The following STPG2 variants were observed in gnomAD, a reference collection of about 807,000 sequenced individuals.
STPG2 encodes the protein sperm-tail PG-rich repeat-containing protein 2.
In STPG2, 56 loss-of-function variants were observed where a neutral mutation model predicts 54.2. That is an observed-to-expected ratio of 1.03 (90% CI 0.83 to 1.29). The LOEUF (loss-of-function observed/expected upper bound fraction) is 1.29. Ranked by LOEUF, STPG2 falls within the 50% of genes most tolerant of loss-of-function variation. The pLI is 0.00. For missense variants in STPG2, 596 were observed against 544.9 expected (o/e 1.09, Z -0.93); for synonymous variants, 200 against 181.8 (o/e 1.10, Z -0.81).
At chr4:97,807,816 G>A (rs903423717) in intron 9 of STPG2, among the ~76,000 whole-genome samples, 1 of 151,694 alleles carries the variant, frequency 6.6e-6, no homozygotes, top group Admixed American at 6.6e-5. Context: ...GCAGGATAAG[G>A]ATACAAAAAA....
intron 4 of STPG2, among the ~76,000 whole-genome samples, chr4:97,509,989 C>G (rs1730938665): frequency 6.6e-6 from 1 of 152,024 alleles, no homozygotes; most frequent in Non-Finnish European, 1.5e-5. Flanking sequence ...AAATTGTCTT[C>G]CACGAAACTG....
chr4:97,703,743 C>T (rs1356494276), intron 10 of STPG2, among the ~76,000 whole-genome samples: 8 of 98,184 alleles, frequency 8.1e-5, no homozygotes, highest in African/African-American at 1.5e-4. Context: ...AATATATTAT[C>T]GTATATATAT....
At chr4:97,924,545 C>T (rs1220442974) in intron 8 of STPG2, among the ~76,000 whole-genome samples, 1 of 152,128 alleles carries the variant, frequency 6.6e-6, no homozygotes, top group Non-Finnish European at 1.5e-5. Context: ...GTAAATCCAG[C>T]ATTAAAGATG....
At chr4:98,083,115 A>G (rs1223922454) in intron 5 of STPG2, among the ~76,000 whole-genome samples, 1 of 151,996 alleles carries the variant, frequency 6.6e-6, no homozygotes, top group Non-Finnish European at 1.5e-5. Flanking sequence ...ATCCTGTACC[A>G]TTCTTCTCCT....
At chr4:97,618,737 C>A (rs897323231) in intron 10 of STPG2, among the ~76,000 whole-genome samples, 3 of 152,104 alleles carry the variant, frequency 2.0e-5, no homozygotes, top group Non-Finnish European at 4.4e-5. Flanking sequence ...TTGCTAGGTT[C>A]AATTTGAGGA....
intron 9 of STPG2, among the ~76,000 whole-genome samples, chr4:97,816,975 A>G (rs1403412383): frequency 2.0e-5 from 3 of 147,538 alleles, no homozygotes; most frequent in Non-Finnish European, 4.5e-5. Flanking sequence ...TATATTTTAT[A>G]TATTATATAT....
At chr4:97,993,697 T>C (rs959239993) in intron 5 of STPG2, among the ~76,000 whole-genome samples, 1 of 152,186 alleles carries the variant, frequency 6.6e-6, no homozygotes, top group African/African-American at 2.4e-5. Context: ...AGAACTCAGC[T>C]GTGAATCCAT....
At chr4:97,773,228 A>G (rs1451087433) in intron 9 of STPG2, among the ~76,000 whole-genome samples, 1 of 152,084 alleles carries the variant, frequency 6.6e-6, no homozygotes, top group Non-Finnish European at 1.5e-5. Context: ...AATTGACTGT[A>G]CCTTTAATCA....
intron 8 of STPG2, among the ~76,000 whole-genome samples, chr4:97,922,493 C>A (rs910478231): frequency 2.0e-5 from 3 of 151,924 alleles, no homozygotes; most frequent in Admixed American, 6.6e-5. Flanking sequence ...CTTTGTTGTA[C>A]AAAAAATGGT....
chr4:97,601,159 T>A (rs1416893147), intron 10 of STPG2, among the ~76,000 whole-genome samples: 1 of 152,070 alleles, frequency 6.6e-6, no homozygotes, highest in East Asian at 1.9e-4. Context: ...CGTATTTATT[T>A]GTGCTTTTGT....
chr4:97,860,467 GTTTTATTTTA>G (rs56308311), intron 8 of STPG2, among the ~76,000 whole-genome samples: 11,122 of 138,666 alleles, frequency 0.08, 1,133 homozygotes, highest in African/African-American at 0.24. Context: ...ATATTCCTAA[GTTTTATTTTA>G]TTTTATTTTA....
intron 5 of STPG2, among the ~76,000 whole-genome samples, chr4:98,099,900 T>C (rs1049847892): frequency 5.3e-5 from 8 of 152,152 alleles, no homozygotes; most frequent in African/African-American, 1.4e-4. Context: ...AAGAGTATAA[T>C]TGGATTGTTT....
chr4:97,828,714 G>C (rs1401647341), intron 9 of STPG2, among the ~76,000 whole-genome samples: 1 of 152,112 alleles, frequency 6.6e-6, no homozygotes, highest in Non-Finnish European at 1.5e-5. Flanking sequence ...CGCGGGAGGG[G>C]CATCCACCAC....
chr4:97,883,793 C>G (rs1730464316), intron 8 of STPG2, among the ~76,000 whole-genome samples: 1 of 152,092 alleles, frequency 6.6e-6, no homozygotes, highest in Non-Finnish European at 1.5e-5. Context: ...TTGAAATCCT[C>G]TTAGAAAGGG....
At chr4:97,548,710 G>C (rs1435749565) in intron 4 of STPG2, among the ~76,000 whole-genome samples, 3 of 152,040 alleles carry the variant, frequency 2.0e-5, no homozygotes, top group Non-Finnish European at 4.4e-5. Context: ...AAAGGAAACT[G>C]ATTTATGTAG....
intron 4 of STPG2, among the ~76,000 whole-genome samples, chr4:97,548,520 A>C (rs1731895102): frequency 1.3e-5 from 2 of 152,198 alleles, no homozygotes; most frequent in African/African-American, 4.8e-5. Context: ...AGCCAAAGAG[A>C]GTAAGCATTT....
chr4:98,141,782 A>T (rs1403808150), intron 1 of STPG2, among the ~76,000 whole-genome samples: 1 of 152,096 alleles, frequency 6.6e-6, no homozygotes, highest in Non-Finnish European at 1.5e-5. Flanking sequence ...TATTTTACAG[A>T]GTTTGACTCT....
At chr4:97,873,809 C>T (rs868751547) in intron 8 of STPG2, among the ~76,000 whole-genome samples, 2 of 151,458 alleles carry the variant, frequency 1.3e-5, no homozygotes, top group Non-Finnish European at 3.0e-5. Context: ...TAATTAGTAA[C>T]TTAACACATT....
chr4:97,785,751 A>G (rs1322164487), intron 9 of STPG2, among the ~76,000 whole-genome samples: 5 of 152,128 alleles, frequency 3.3e-5, no homozygotes, highest in Non-Finnish European at 7.4e-5. Context: ...GCTTTAGGTT[A>G]TAGAAATACT....
Sources: allele counts gnomAD v4.1 joint callset (sites outside exome capture counted in the v4.1 genomes callset), GRCh38; gene constraint gnomAD v4.1.1; transcripts MANE v1.5; gene names NCBI Gene and HGNC (gene_info 2026-07-23, HGNC 2026-07-21).